The following STXBP5L variants were observed in gnomAD, a reference collection of about 807,000 sequenced individuals.
STXBP5L encodes syntaxin binding protein 5L.
A neutral mutation model predicts 144.5 loss-of-function variants in STXBP5L; 65 were observed. The observed-to-expected ratio is 0.45, with a 90% CI of 0.37 to 0.55. The LOEUF (loss-of-function observed/expected upper bound fraction) is 0.55. Ranked by LOEUF, STXBP5L falls within the 20% of genes least tolerant of loss-of-function variation. The pLI is 0.00. For missense variants in STXBP5L, 1,298 were observed against 1,405.5 expected, an observed-to-expected ratio of 0.92 and a Z score of 1.22; for synonymous variants, 505 against 469.6, an observed-to-expected ratio of 1.08 and a Z score of -0.97.
At chr3:120,988,113 CT>C (rs1047380745) in intron 3 of STXBP5L, among the ~76,000 whole-genome samples, 183 of 143,176 alleles carry the variant, frequency 1.3e-3, no homozygotes, top group Middle Eastern at 7.2e-3. Context: ...TTGATTTTCT[CT>C]TTTTTTTTTC....
chr3:121,068,315 G>T (rs1410516528), intron 5 of STXBP5L, among the ~76,000 whole-genome samples: 2 of 152,160 alleles, frequency 1.3e-5, no homozygotes, highest in African/African-American at 2.4e-5. Context: ...GACAATATTA[G>T]TCTTATACTT....
At chr3:120,983,207 G>A (rs939578023) in intron 3 of STXBP5L, among the ~76,000 whole-genome samples, 4 of 152,050 alleles carry the variant, frequency 2.6e-5, no homozygotes, top group East Asian at 1.9e-4. Flanking sequence ...GAACACAGGC[G>A]TCTGGGGTCT....
At chr3:121,250,442 T>C (rs1018971383) in intron 14 of STXBP5L, among the ~76,000 whole-genome samples, 16 of 152,060 alleles carry the variant, frequency 1.1e-4, no homozygotes, top group Admixed American at 3.3e-4. Flanking sequence ...TTGTTCACTT[T>C]CCACAGGCCA....
chr3:121,259,107 T>C lies in STXBP5L; in HGVS notation c.1897T>C (p.Trp633Arg). Residue 633 changes from tryptophan to arginine, a missense_variant, in exon 18 of 27, where the codon TGG becomes CGG. By Grantham distance (101) the Trp-to-Arg change is moderately radical (BLOSUM62 -3). Transcript: ENST00000471454. Reference sequence around the variant, plus strand: ...AGCAGAACTTGTTATTCAATTGGTGTGGGTAGATGGTGAACCTCCACAACA... The same window carrying C: ...AGCAGAACTTGTTATTCAATTGGTGCGGGTAGATGGTGAACCTCCACAACA... ...YQAELVIQLV[W>R]VDGEPPQQIT... The C allele has an allele frequency of 6.2e-7, 1 of 1,605,628 alleles. No homozygotes were observed. The highest frequency in any genetic ancestry group is 1.1e-5 in the South Asian group (1 of 89,532).
chr3:121,152,458 T>C lies in STXBP5L; in HGVS notation c.670-19T>C. ...ATTAATGTTAGAATTAAGAAAATGA[T>C]TGTTCTAATGTTTTCCAGCTGCTAA... On this transcript the variant is annotated intron_variant, in intron 7 of 26. Transcript: ENST00000471454. 2.6e-6 allele frequency: 4 copies of C among 1,536,108 alleles called. No individual in the cohort carries two copies. The South Asian group carries it at 4.7e-5, about 18-fold the overall frequency.
At chr3:120,915,472 C>G (rs1709058556) in intron 2 of STXBP5L, among the ~76,000 whole-genome samples, 1 of 152,090 alleles carries the variant, frequency 6.6e-6, no homozygotes, top group South Asian at 2.1e-4. Flanking sequence ...CTGCTTTAAA[C>G]TTTCAAATTG....
At chr3:121,160,056 CTT>C (rs2046265003) in intron 9 of STXBP5L, among the ~76,000 whole-genome samples, 2 of 152,124 alleles carry the variant, frequency 1.3e-5, no homozygotes, top group African/African-American at 2.4e-5. Context: ...TAACATTTCT[CTT>C]ATAATGGATT....
chr3:121,202,230 T>C (rs187366191), intron 9 of STXBP5L, among the ~76,000 whole-genome samples: 28 of 152,302 alleles, frequency 1.8e-4, no homozygotes, highest in Admixed American at 1.0e-3. Context: ...ATCTGTTACA[T>C]TGATGTTTTT....
intron 19 of STXBP5L, among the ~76,000 whole-genome samples, chr3:121,301,936 G>T (rs2051927162): frequency 6.6e-6 from 1 of 152,192 alleles, no homozygotes; most frequent in African/African-American, 2.4e-5. Context: ...TGTACTGCTG[G>T]ATTCGGTTTG....
intron 9 of STXBP5L, among the ~76,000 whole-genome samples, chr3:121,183,590 G>GAAGAAAGA (rs144221120): frequency 1.6e-4 from 23 of 147,358 alleles, no homozygotes; most frequent in Admixed American, 6.9e-4. Context: ...TGAAAGAAAG[G>GAAGAAAGA]AAGAAAGAAA....
chr3:121,089,128 AG>A (rs2042648648), intron 5 of STXBP5L, among the ~76,000 whole-genome samples: 1 of 132,178 alleles, frequency 7.6e-6, no homozygotes, highest in Non-Finnish European at 1.6e-5. Flanking sequence ...AGAAGCTCCA[AG>A]AGGAGAAGGA....
At chr3:121,058,078 C>G (rs1346427877) in intron 5 of STXBP5L, among the ~76,000 whole-genome samples, 3 of 152,098 alleles carry the variant, frequency 2.0e-5, no homozygotes, top group African/African-American at 7.2e-5. Flanking sequence ...CTGCACTCAT[C>G]AATCCGTCAT....
intron 16 of STXBP5L, among the ~76,000 whole-genome samples, chr3:121,256,411 T>C (rs1044433265): frequency 1.3e-5 from 2 of 152,064 alleles, no homozygotes; most frequent in African/African-American, 4.8e-5. Context: ...TCAGTTCTAA[T>C]TAAATCATTT....
At chr3:120,956,719 AT>A (rs1470534385) in intron 3 of STXBP5L, among the ~76,000 whole-genome samples, 1 of 151,842 alleles carries the variant, frequency 6.6e-6, no homozygotes, top group Non-Finnish European at 1.5e-5. Flanking sequence ...TCATATGATA[AT>A]TGTATTTTTA....
chr3:121,040,245 C>T (rs982554014), intron 3 of STXBP5L, among the ~76,000 whole-genome samples: 4 of 151,978 alleles, frequency 2.6e-5, no homozygotes, highest in Admixed American at 1.3e-4. Flanking sequence ...GTTTAGTATG[C>T]AGTTAAGCTA....
chr3:121,350,870 T>C (rs1367964636), intron 20 of STXBP5L, among the ~76,000 whole-genome samples: 1 of 152,150 alleles, frequency 6.6e-6, no homozygotes, highest in East Asian at 1.9e-4. Context: ...CTAATCTTTT[T>C]TCAAGGTTTT....
intron 9 of STXBP5L, among the ~76,000 whole-genome samples, chr3:121,189,093 A>T (rs2047525034): frequency 6.6e-6 from 1 of 152,102 alleles, no homozygotes. Context: ...CCTTAAGCTG[A>T]TAAGCTCATT....
intron 22 of STXBP5L, among the ~76,000 whole-genome samples, chr3:121,381,786 A>G (rs1173832809): frequency 6.6e-6 from 1 of 152,120 alleles, no homozygotes; most frequent in African/African-American, 2.4e-5. Context: ...GACATGGGAA[A>G]TAAGTTCCTG....
intron 20 of STXBP5L, among the ~76,000 whole-genome samples, chr3:121,360,484 T>G (rs750893907): frequency 1.2e-4 from 18 of 152,102 alleles, no homozygotes; most frequent in Non-Finnish European, 2.4e-4. Flanking sequence ...CTTCTTTCAT[T>G]CCTGTCTTCC....
Sources: allele counts gnomAD v4.1 joint callset (sites outside exome capture counted in the v4.1 genomes callset), GRCh38; gene constraint gnomAD v4.1.1; transcripts MANE v1.5; gene names NCBI Gene and HGNC (gene_info 2026-07-23, HGNC 2026-07-21).